ZFPM2: variants seen among roughly 807,000 people sequenced by gnomAD.
ZFPM2 encodes zinc finger protein, FOG family member 2.
A neutral mutation model predicts 98.6 loss-of-function variants in ZFPM2; 20 were observed. The ratio of observed to expected loss-of-function variants is 0.20; its 90% CI spans 0.14 to 0.29. ZFPM2 has a LOEUF of 0.29. ZFPM2 is among the 10% of genes least tolerant of loss of function. The pLI is 1.00. For synonymous variants in ZFPM2, 518 were observed against 502.7 expected, an observed-to-expected ratio of 1.03 and a Z score of -0.41; for missense variants, 1,310 against 1,388.6, an observed-to-expected ratio of 0.94 and a Z score of 0.90.
intron 3 of ZFPM2, among the ~76,000 whole-genome samples, chr8:105,493,192 A>G (rs1330852129): frequency 6.6e-6 from 1 of 152,188 alleles, no homozygotes; most frequent in East Asian, 1.9e-4. Context: ...GGTTGATCTT[A>G]GGACTTCCAG....
At chr8:105,646,940 T>A (rs1251191445) in intron 5 of ZFPM2, among the ~76,000 whole-genome samples, 1 of 152,052 alleles carries the variant, frequency 6.6e-6, no homozygotes, top group Non-Finnish European at 1.5e-5. Context: ...TAAACCTCCA[T>A]CTCCTAACAG....
chr8:105,628,330 A>T (rs1207766777), intron 4 of ZFPM2, among the ~76,000 whole-genome samples: 1 of 152,224 alleles, frequency 6.6e-6, no homozygotes, highest in Non-Finnish European at 1.5e-5. Context: ...AGCAGGAATT[A>T]TTACAGTCAC....
At chr8:105,637,772 A>C (rs1374930851) in intron 5 of ZFPM2, among the ~76,000 whole-genome samples, 2 of 152,108 alleles carry the variant, frequency 1.3e-5, no homozygotes, top group African/African-American at 4.8e-5. Context: ...CTGTCTCCAC[A>C]ATCTGTATGT....
intron 3 of ZFPM2, among the ~76,000 whole-genome samples, chr8:105,472,657 C>A (rs943457371): frequency 6.6e-6 from 1 of 152,042 alleles, no homozygotes; most frequent in East Asian, 1.9e-4. Flanking sequence ...CGCCCACCAT[C>A]GCACCCGGCT....
intron 5 of ZFPM2, among the ~76,000 whole-genome samples, chr8:105,683,119 C>T (rs1036879457): frequency 3.3e-5 from 5 of 152,002 alleles, no homozygotes; most frequent in African/African-American, 1.2e-4. Flanking sequence ...GCTCTGTCCT[C>T]ATGAGTTAAT....
intron 6 of ZFPM2, among the ~76,000 whole-genome samples, chr8:105,791,903 G>A (rs1266726662): frequency 1.3e-5 from 2 of 152,164 alleles, no homozygotes; most frequent in African/African-American, 4.8e-5. Context: ...ATTCTCTGAT[G>A]GTAGTTTATA....
At chr8:105,418,606 A>G (rs771467378) in intron 1 of ZFPM2, 2 of 518,584 alleles carry the variant, frequency 3.9e-6, no homozygotes, top group African/African-American at 3.9e-5. Context: ...GGAGAGAAAT[A>G]TGTAATTTTT....
chr8:105,539,286 A>G (rs1210525047), intron 3 of ZFPM2, among the ~76,000 whole-genome samples: 3 of 152,168 alleles, frequency 2.0e-5, no homozygotes, highest in Non-Finnish European at 4.4e-5. Context: ...ATGGTAATAC[A>G]TATGTTTTAC....
At chr8:105,340,139 T>C (rs1186313713) in intron 1 of ZFPM2, among the ~76,000 whole-genome samples, 1 of 151,876 alleles carries the variant, frequency 6.6e-6, no homozygotes, top group African/African-American at 2.4e-5. Context: ...GAAGGAGCCA[T>C]TGCAATGAGA....
intron 1 of ZFPM2, among the ~76,000 whole-genome samples, chr8:105,392,948 T>C (rs1025890671): frequency 2.0e-4 from 30 of 152,320 alleles, no homozygotes; most frequent in African/African-American, 7.0e-4. Flanking sequence ...CTTGGAATTA[T>C]GTGTAAGGCT....
chr8:105,484,916 T>TTAAA (rs2130401727), intron 3 of ZFPM2, among the ~76,000 whole-genome samples: 1 of 152,270 alleles, frequency 6.6e-6, no homozygotes, highest in South Asian at 2.1e-4. Flanking sequence ...TCCCAACTTA[T>TTAAA]TAAAGGAGGT....
At chr8:105,403,642 A>T (rs922435265) in intron 1 of ZFPM2, among the ~76,000 whole-genome samples, 16 of 151,830 alleles carry the variant, frequency 1.1e-4, no homozygotes, top group African/African-American at 3.9e-4. Flanking sequence ...TCCAGCTAGA[A>T]CTCCCAACTC....
At chr8:105,341,391 A>G (rs1812428737) in intron 1 of ZFPM2, among the ~76,000 whole-genome samples, 2 of 151,890 alleles carry the variant, frequency 1.3e-5, no homozygotes, top group African/African-American at 4.8e-5. Flanking sequence ...ATATTGCATT[A>G]TGATATTATA....
intron 1 of ZFPM2, among the ~76,000 whole-genome samples, chr8:105,391,156 T>C (rs1811099380): frequency 6.6e-6 from 1 of 152,204 alleles, no homozygotes; most frequent in East Asian, 1.9e-4. Context: ...CAAAAGCAAA[T>C]CTTTCAGTAT....
chr8:105,499,220 C>T (rs550145677), intron 3 of ZFPM2, among the ~76,000 whole-genome samples: 22 of 149,210 alleles, frequency 1.5e-4, no homozygotes, highest in Non-Finnish European at 2.2e-4. Flanking sequence ...GGCAATGCGA[C>T]GTCAGTTTAA....
chr8:105,699,571 T>G (rs1280499413), intron 5 of ZFPM2, among the ~76,000 whole-genome samples: 1 of 152,142 alleles, frequency 6.6e-6, no homozygotes, highest in Non-Finnish European at 1.5e-5. Context: ...TGTTTTTCTT[T>G]TTATAAAGAT....
chr8:105,789,020 T>G (rs973039253), intron 6 of ZFPM2, 96 bp downstream of exon 6: 1 of 976,466 alleles, frequency 1.0e-6, no homozygotes, highest in Non-Finnish European at 1.5e-6. Flanking sequence ...ACAGACCTTT[T>G]TCCTTCAGTG....
At chr8:105,494,823 A>C (rs903362956) in intron 3 of ZFPM2, among the ~76,000 whole-genome samples, 4 of 152,174 alleles carry the variant, frequency 2.6e-5, no homozygotes, top group Admixed American at 2.0e-4. Context: ...CATATAGCAA[A>C]TATTTTAGGT....
At chr8:105,347,250 A>G (rs1358247091) in intron 1 of ZFPM2, among the ~76,000 whole-genome samples, 1 of 151,986 alleles carries the variant, frequency 6.6e-6, no homozygotes, top group African/African-American at 2.4e-5. Flanking sequence ...TTAAAAATTC[A>G]ATTTACTGAT....
Sources: gnomAD v4.1 joint callset for allele counts (sites outside exome capture counted in the v4.1 genomes callset) on GRCh38, gnomAD v4.1.1 for gene constraint, MANE v1.5 for transcripts, NCBI Gene and HGNC (gene_info 2026-07-23, HGNC 2026-07-21) for gene names.